Variants in RFX4 observed in about 807,000 individuals in gnomAD.
The protein encoded by RFX4 is regulatory factor X4.
In RFX4, 10 loss-of-function variants were observed where a neutral mutation model predicts 95.0. That is an observed-to-expected ratio of 0.11 (90% CI 0.06 to 0.18). The LOEUF (loss-of-function observed/expected upper bound fraction) is 0.18, where lower values mean the gene tolerates loss of function less well. Among genes scored for constraint, RFX4 ranks in the 10% least tolerant of loss-of-function variants. The pLI, the probability that RFX4 is intolerant of heterozygous loss-of-function variation, is 1.00. For missense variants in RFX4, 640 were observed against 922.0 expected, an observed-to-expected ratio of 0.69 and a Z score of 3.96; for synonymous variants, 321 against 340.7, an observed-to-expected ratio of 0.94 and a Z score of 0.64.
intron 1 of RFX4, among the ~76,000 whole-genome samples, chr12:106,603,446 G>T (rs2039755176): frequency 6.6e-6 from 1 of 152,178 alleles, no homozygotes; most frequent in Non-Finnish European, 1.5e-5. Context: ...TTCCTCTAAG[G>T]TATGTGGGCT....
Position 106,633,332 on chromosome 12 carries a change from A to G in RFX4, c.131-6000A>G, listed in dbSNP as rs184098142. ...GGTCCTGTTTCCATTCACCAGCTAC[A>G]TGGCCTCATGCAATTATTCACCCTC... On this transcript the variant is annotated intron_variant, in intron 2 of 17. Transcript: ENST00000392842. Among the ~76,000 whole-genome samples, 63 of 152,312 alleles carry G rather than the reference A, an allele frequency of 4.1e-4. 3 individuals are homozygous for G. In the East Asian group the frequency reaches 0.011, roughly 26 times the overall value.
intron 14 of RFX4, 115 bp downstream of exon 14, chr12:106,732,364 G>A: frequency 7.2e-7 from 1 of 1,395,266 alleles, no homozygotes; most frequent in Non-Finnish European, 9.8e-7. Context: ...ATGGTGAACA[G>A]GTTAAGTGGT....
intron 2 of RFX4, among the ~76,000 whole-genome samples, chr12:106,635,146 T>A (rs1196124491): frequency 6.6e-6 from 1 of 152,208 alleles, no homozygotes; most frequent in Non-Finnish European, 1.5e-5. Flanking sequence ...CGAATCTAGG[T>A]CTTTTGACAA....
At chr12:106,690,475 AC>A (rs2041757240) in intron 7 of RFX4, among the ~76,000 whole-genome samples, 1 of 152,162 alleles carries the variant, frequency 6.6e-6, no homozygotes, top group African/African-American at 2.4e-5. Flanking sequence ...CTAAGACAAT[AC>A]TAGCTGCTGT....
rs139720651 is a variant in RFX4, at chr12:106,665,742, C to G, written c.315+11391C>G. ...AATTCAAGCCCACTTTTAAATAATG[C>G]TATGCCACTTCACAAGAAGGGCGAG... On this transcript the variant is annotated intron_variant, in intron 4 of 17. Coordinates refer to ENST00000392842, the MANE Select transcript of RFX4 (RefSeq NM_213594.3). 2.4e-4 allele frequency among the ~76,000 whole-genome samples: 36 copies of G among 151,856 alleles called. No homozygotes were observed. The East Asian group carries it at 2.7e-3, about 11-fold the overall frequency.
intron 15 of RFX4, among the ~76,000 whole-genome samples, chr12:106,747,158 GAATGAGTGGGT>G (rs1555236896): frequency 6.6e-6 from 1 of 152,144 alleles, no homozygotes; most frequent in Non-Finnish European, 1.5e-5. Context: ...GTGAGAGGAA[GAATGAGTGGGT>G]AATAAGGCAG....
chr12:106,734,909 T>A (rs1281762155), intron 15 of RFX4, among the ~76,000 whole-genome samples: 3 of 151,822 alleles, frequency 2.0e-5, no homozygotes, highest in Non-Finnish European at 4.4e-5. Flanking sequence ...ACAAGCTTTT[T>A]AAAAAAGTTA....
At chr12:106,619,363 C>CT (rs1275607522) in intron 2 of RFX4, among the ~76,000 whole-genome samples, 2 of 152,188 alleles carry the variant, frequency 1.3e-5, no homozygotes, top group African/African-American at 4.8e-5. Context: ...GTTGGTGAGA[C>CT]TTTTTTTAAT....
chr12:106,620,176 T>A (rs1398052206), intron 2 of RFX4, among the ~76,000 whole-genome samples: 1 of 152,350 alleles, frequency 6.6e-6, no homozygotes, highest in East Asian at 1.9e-4. Flanking sequence ...CATAGTTTTT[T>A]ATCCAATGCT....
At chr12:106,687,927 G>A (rs893733998) in intron 6 of RFX4, among the ~76,000 whole-genome samples, 4 of 152,154 alleles carry the variant, frequency 2.6e-5, no homozygotes, top group Admixed American at 6.5e-5. Flanking sequence ...TGCTGCAGGG[G>A]ATTTGGTGAA....
At chr12:106,602,456 G>T (rs2039731466) in intron 1 of RFX4, among the ~76,000 whole-genome samples, 1 of 152,154 alleles carries the variant, frequency 6.6e-6, no homozygotes, top group Admixed American at 6.5e-5. Context: ...CCATCCCAAT[G>T]TTACATAACT....
At chr12:106,748,958 G>A (rs560451905) in intron 16 of RFX4, among the ~76,000 whole-genome samples, 20 of 152,068 alleles carry the variant, frequency 1.3e-4, no homozygotes, top group Middle Eastern at 3.4e-3. Context: ...AGTGGCACGC[G>A]CCTGTAGTCC....
At chr12:106,729,647 G>A (rs1001729637) in intron 13 of RFX4, among the ~76,000 whole-genome samples, 3 of 152,180 alleles carry the variant, frequency 2.0e-5, no homozygotes, top group African/African-American at 7.2e-5. Context: ...TCACATGGTT[G>A]TGATGAGGAT....
At chr12:106,737,370 C>A (rs1210442185) in intron 15 of RFX4, among the ~76,000 whole-genome samples, 1 of 151,466 alleles carries the variant, frequency 6.6e-6, no homozygotes, top group Non-Finnish European at 1.5e-5. Context: ...GTCCCTGCCC[C>A]CTGGGAGTTT....
intron 1 of RFX4, among the ~76,000 whole-genome samples, chr12:106,601,708 G>A (rs1053182000): frequency 1.3e-5 from 2 of 152,190 alleles, no homozygotes; most frequent in East Asian, 1.9e-4. Context: ...TGCAGGCTTC[G>A]CGGCCTGGTG....
At chr12:106,658,620 G>A (rs1398948047) in intron 4 of RFX4, among the ~76,000 whole-genome samples, 1 of 152,162 alleles carries the variant, frequency 6.6e-6, no homozygotes, top group East Asian at 1.9e-4. Context: ...GGGAGACAGT[G>A]GGGGAGGAAA....
At chr12:106,679,553 G>T (rs910471479) in intron 4 of RFX4, among the ~76,000 whole-genome samples, 3 of 152,008 alleles carry the variant, frequency 2.0e-5, no homozygotes, top group African/African-American at 7.2e-5. Context: ...GAAAATTTCT[G>T]CTTTTTCTAA....
chr12:106,603,814 A>T (rs568741753), intron 1 of RFX4, among the ~76,000 whole-genome samples: 1 of 152,360 alleles, frequency 6.6e-6, no homozygotes, highest in South Asian at 2.1e-4. Context: ...ATAAATAGAG[A>T]TATGAAAACA....
intron 3 of RFX4, among the ~76,000 whole-genome samples, chr12:106,643,324 G>T (rs1239413575): frequency 6.6e-6 from 1 of 152,194 alleles, no homozygotes; most frequent in African/African-American, 2.4e-5. Context: ...CCACGAGAAG[G>T]TGGCCCATGT....
Sources: gnomAD v4.1 joint callset for allele counts (sites outside exome capture counted in the v4.1 genomes callset) on GRCh38, gnomAD v4.1.1 for gene constraint, MANE v1.5 for transcripts, NCBI Gene and HGNC (gene_info 2026-07-23, HGNC 2026-07-21) for gene names.